The following FCRL2 variants were observed in gnomAD, a reference collection of about 807,000 sequenced individuals.
FCRL2 encodes Fc receptor-like protein 2.
Under a neutral mutation model 59.8 loss-of-function variants are expected in FCRL2, and 48 were observed. The observed-to-expected ratio is 0.80, with a 90% confidence interval of 0.64 to 1.02. The LOEUF (loss-of-function observed/expected upper bound fraction) is 1.02. FCRL2 is among the 50% of genes least tolerant of loss of function. FCRL2 has a pLI of 0.00. For synonymous variants in FCRL2, 251 were observed against 229.5 expected (o/e 1.09, Z -0.85); for missense variants, 658 against 597.3 (o/e 1.10, Z -1.06).
intron 7 of FCRL2, among the ~76,000 whole-genome samples, chr1:157,760,694 A>G (rs377568948): frequency 0.014 from 1,629 of 113,412 alleles, 39 homozygotes; most frequent in African/African-American, 0.041. Flanking sequence ...AAAGAAAGAA[A>G]GAAGGAAAGA....
At chr1:157,766,802 C>A in intron 7 of FCRL2, 53 bp downstream of exon 7, 1 of 1,604,596 alleles carries the variant, frequency 6.2e-7, no homozygotes, top group Non-Finnish European at 8.5e-7. Flanking sequence ...CAATCTATAT[C>A]AGTAGTGGAA....
intron 6 of FCRL2, 104 bp from the exon 7 acceptor site, chr1:157,767,075 T>C: frequency 7.5e-7 from 1 of 1,331,288 alleles, no homozygotes; most frequent in Middle Eastern, 1.9e-4. Context: ...AAGAGATCAT[T>C]GAAGTGTAGT....
chr1:157,746,673 T>C lies in FCRL2; in HGVS notation c.*63A>G. Reference sequence around the variant, plus strand: ...AGCCTCAAGCATTTTCATAAGGTTTTATAGCAAGTCTTAATGATGCCCCAT... The same window carrying C: ...AGCCTCAAGCATTTTCATAAGGTTTCATAGCAAGTCTTAATGATGCCCCAT... On this transcript the variant is annotated 3_prime_UTR_variant, in exon 12 of 12. Coordinates refer to ENST00000361516, the MANE Select transcript of FCRL2 (RefSeq NM_030764.4). 1 of 1,544,856 alleles carries C rather than the reference T, an allele frequency of 6.5e-7. No homozygotes were observed. Among genetic ancestry groups the C allele is most frequent in the Non-Finnish European group, 8.9e-7 (1 of 1,117,970 alleles).
In FCRL2 at chr1:157,767,851, G is replaced by T. The variant is rs1216256696; in HGVS notation, c.884-342C>A. ...TTAAGATTTCTATAATATTATAGTTGTTCCTGGGAAAACTGATACATAGGA... is the reference window on the plus strand; with the variant it reads ...TTAAGATTTCTATAATATTATAGTTTTTCCTGGGAAAACTGATACATAGGA... On this transcript the variant is annotated intron_variant, in intron 5 of 11. Transcript: ENST00000361516. The T allele has an allele frequency of 3.5e-5, 22 of 624,324 alleles. 1 individual carries two copies. Among genetic ancestry groups the T allele is most frequent in the African/African-American group, 7.4e-5 (4 of 53,758 alleles). The allele number at this position is 624,324 out of a possible 1,614,324, so 38.7% of individuals were successfully genotyped here. A position where few individuals can be genotyped will look rare whatever the true frequency, so the allele number is the denominator to read the frequency against.
Position 157,746,102 on chromosome 1 carries a change from A to G in FCRL2, c.*634T>C, listed in dbSNP as rs1647721826. 6.6e-6 allele frequency: 1 copy of G among 152,248 alleles called. No individual in the cohort carries two copies. Among genetic ancestry groups the G allele is most frequent in the Non-Finnish European group, 1.5e-5 (1 of 68,054 alleles). The allele number at this position is 152,248 out of a possible 1,614,324, so 9.4% of individuals were successfully genotyped here. ...AAGTTGAATTAGTAATAAAAAACTT[A>G]CCAACCAACACAAAAGCCCTAGACC... is the stretch of plus-strand genomic sequence containing the variant. On this transcript the variant is annotated 3_prime_UTR_variant, in exon 12 of 12. Transcript: ENST00000361516.
chr1:157,762,951 G>A (rs988062571), intron 7 of FCRL2, among the ~76,000 whole-genome samples: 3 of 152,192 alleles, frequency 2.0e-5, no homozygotes, highest in Non-Finnish European at 4.4e-5. Flanking sequence ...GGAGTCCTAA[G>A]CCTGAAAGCG....
chr1:157,763,442 T>C (rs11264816), intron 7 of FCRL2, among the ~76,000 whole-genome samples: 1 of 151,690 alleles, frequency 6.6e-6, no homozygotes. Context: ...AGAGAATCTC[T>C]TGAACCCGAG....
chr1:157,759,955 G>A (rs1385186697), intron 7 of FCRL2, among the ~76,000 whole-genome samples: 1 of 152,078 alleles, frequency 6.6e-6, no homozygotes, highest in African/African-American at 2.4e-5. Context: ...TATTCCCAAA[G>A]GAATATAAAT....
chr1:157,763,024 G>T (rs554517615), intron 7 of FCRL2, among the ~76,000 whole-genome samples: 36 of 152,246 alleles, frequency 2.4e-4, no homozygotes, highest in Non-Finnish European at 5.1e-4. Context: ...ATAAAGTTAG[G>T]TTTGAGGCTT....
At chr1:157,766,492 G>T in intron 7 of FCRL2, 2 of 222,680 alleles carry the variant, frequency 9.0e-6, no homozygotes, top group Non-Finnish European at 8.7e-6. Context: ...AATTTTTTTT[G>T]TGTTCCTTTA....
intron 2 of FCRL2, 118 bp from the exon 3 acceptor site, chr1:157,770,784 C>A: frequency 9.5e-7 from 1 of 1,054,184 alleles, no homozygotes; most frequent in South Asian, 1.7e-5. Context: ...ATGGAAGTTC[C>A]AATCCATGCC....
At chr1:157,757,393 G>A (rs182082628) in intron 7 of FCRL2, among the ~76,000 whole-genome samples, 57 of 152,180 alleles carry the variant, frequency 3.7e-4, no homozygotes, top group Admixed American at 1.8e-3. Context: ...AAGAAGGGAC[G>A]GGTTGAAGGG....
At position 157,770,512 on chromosome 1, in the gene FCRL2, G is replaced by C; in HGVS notation, c.207C>G (p.Ile69Met). ...CACTGTCACTTAAAACTGCACTTTGGATAAGGAAATCTGAGAATTTTTTGA... is the reference window on the plus strand; with the variant it reads ...CACTGTCACTTAAAACTGCACTTTGCATAAGGAAATCTGAGAATTTTTTGA... Reference protein sequence around the residue: ...SVFKKFSDFLIQSAVLSDSGN... With the variant: ...SVFKKFSDFLMQSAVLSDSGN... Residue 69 changes from isoleucine to methionine, a missense_variant, in exon 3 of 12, where the codon ATC becomes ATG. Physicochemically the swap from Ile to Met is conservative, Grantham distance 10. Transcript: ENST00000361516. 2 of 1,614,204 alleles carry C rather than the reference G, an allele frequency of 1.2e-6. No homozygotes were observed. Among genetic ancestry groups the C allele is most frequent in the Non-Finnish European group, 1.7e-6 (2 of 1,180,016 alleles).
intron 7 of FCRL2, among the ~76,000 whole-genome samples, chr1:157,762,240 A>C (rs1263219576): frequency 6.6e-5 from 10 of 152,250 alleles, no homozygotes; most frequent in African/African-American, 2.4e-4. Context: ...GCAGGTCTGG[A>C]GTCTGACCTG....
In FCRL2 at chr1:157,768,484, G is replaced by T. The variant is rs148064965; in HGVS notation, c.813C>A (p.Gly271=). 4 of 1,614,084 alleles carry T rather than the reference G, an allele frequency of 2.5e-6. No homozygotes were observed. Among genetic ancestry groups the T allele is most frequent in the Non-Finnish European group, 3.4e-6 (4 of 1,180,046 alleles). Residue 271 remains glycine (G), a synonymous_variant, in exon 5 of 12, where the codon GGC becomes GGA. Coordinates refer to ENST00000361516, the MANE Select transcript of FCRL2 (RefSeq NM_030764.4). ...CGTTGTCAGCTCTACAGTAATATTT[G>T]CCGGCATCACTCTCTTTCACAGCTG... The part of the protein sequence containing the change: ...EIPAVKESDA[G]KYYCRADNGH...
intron 4 of FCRL2, 181 bp from the exon 5 acceptor site, chr1:157,768,882 C>G: frequency 1.6e-6 from 1 of 644,674 alleles, no homozygotes; most frequent in Non-Finnish European, 2.6e-6. Flanking sequence ...TGGATAAAGA[C>G]ATTTGAATGT....
Position 157,752,549 on chromosome 1 carries a change from C to T in FCRL2, c.1280-2872G>A, listed in dbSNP as rs536460407. ...AGTGGATAGACTATGGGCCTGCCTGCGATTTCAACCAGAGTCAGGGAAAAT... is the reference window on the plus strand; with the variant it reads ...AGTGGATAGACTATGGGCCTGCCTGTGATTTCAACCAGAGTCAGGGAAAAT... On this transcript the variant is annotated intron_variant, in intron 7 of 11. Coordinates refer to ENST00000361516, the MANE Select transcript of FCRL2 (RefSeq NM_030764.4). Among the ~76,000 whole-genome samples the T allele has an allele frequency of 1.2e-4, 18 of 152,232 alleles. 1 individual carries two copies. The highest frequency in any genetic ancestry group is 8.3e-4 in the South Asian group (4 of 4,822).
intron 7 of FCRL2, among the ~76,000 whole-genome samples, chr1:157,765,984 C>G (rs1408141860): frequency 6.6e-6 from 1 of 152,106 alleles, no homozygotes; most frequent in East Asian, 1.9e-4. Flanking sequence ...TGAGAGGCTG[C>G]GTATATGTGC....
At chr1:157,762,773 G>A (rs184003996) in intron 7 of FCRL2, among the ~76,000 whole-genome samples, 13 of 152,300 alleles carry the variant, frequency 8.5e-5, no homozygotes, top group Admixed American at 7.8e-4. Flanking sequence ...CAGGCCAAGA[G>A]AGAATGGTAT....
Sources: allele counts gnomAD v4.1 joint callset (sites outside exome capture counted in the v4.1 genomes callset), GRCh38; gene constraint gnomAD v4.1.1; transcripts MANE v1.5; gene names NCBI Gene and HGNC (gene_info 2026-07-23, HGNC 2026-07-21).